The following CYLD variants were observed in gnomAD, a reference collection of about 807,000 sequenced individuals.
CYLD encodes the protein ubiquitin carboxyl-terminal hydrolase CYLD.
Under a neutral mutation model 104.5 loss-of-function variants are expected in CYLD, and 26 were observed. The observed-to-expected ratio is 0.25, with a 90% CI of 0.18 to 0.35. The LOEUF (loss-of-function observed/expected upper bound fraction) is 0.35, where lower values mean the gene tolerates loss of function less well. Among genes scored for constraint, CYLD ranks in the 10% least tolerant of loss-of-function variants. The pLI is 1.00. For missense variants in CYLD, 703 were observed against 1,136.1 expected (o/e 0.62, Z 5.48); for synonymous variants, 385 against 399.9 (o/e 0.96, Z 0.45).
In CYLD at chr16:50,749,582, C is replaced by T. The variant is rs1966457263; in HGVS notation, c.-117C>T. On this transcript the variant is annotated 5_prime_UTR_variant, in exon 3 of 19. Coordinates refer to ENST00000427738, the MANE Select transcript of CYLD (RefSeq NM_001378743.1). ...ATTTCCTTTCTTTTTACAGCATGGA[C>T]ACCACGTTGCTGAAAACATGCTTTG... 3.0e-6 allele frequency: 3 copies of T among 1,011,366 alleles called. No homozygotes were observed. The highest frequency in any genetic ancestry group is 1.5e-6 in the Non-Finnish European group (1 of 679,254). 62.6% of individuals were successfully genotyped at this position (1,011,366 alleles called of 1,614,324 possible). A position where few individuals can be genotyped will look rare whatever the true frequency, so the allele number is the denominator to read the frequency against.
intron 5 of CYLD, among the ~76,000 whole-genome samples, chr16:50,770,955 A>C (rs1969081144): frequency 6.6e-6 from 1 of 152,262 alleles, no homozygotes; most frequent in Non-Finnish European, 1.5e-5. Flanking sequence ...ACAGAGTACA[A>C]GATTTTTATT....
In CYLD at chr16:50,794,566, A is replaced by G. The variant is rs957173183; in HGVS notation, c.2686+138A>G. On this transcript the variant is annotated intron_variant, in intron 18 of 18. Coordinates refer to ENST00000427738, the MANE Select transcript of CYLD (RefSeq NM_001378743.1). This position sits in a 1 kb window ranked among gnomAD's most constrained non-coding sequence, Gnocchi z 4.1. ...ATTATTCTGGTGACAACAGTCTTAT[A>G]TCTTGGATTGCATTAACAACCTTGC... 5 of 841,356 alleles carry G rather than the reference A, an allele frequency of 5.9e-6. No homozygotes were observed. Among genetic ancestry groups the G allele is most frequent in the African/African-American group, 5.0e-5 (3 of 60,050 alleles). 52.1% of individuals were successfully genotyped at this position (841,356 alleles called of 1,614,324 possible). A position where few individuals can be genotyped will look rare whatever the true frequency, so the allele number is the denominator to read the frequency against.
chr16:50,783,096 C>CT (rs1236940297), intron 11 of CYLD, among the ~76,000 whole-genome samples: 1 of 151,678 alleles, frequency 6.6e-6, no homozygotes, highest in African/African-American at 2.4e-5. Context: ...GGCTAACTTT[C>CT]TTTTTTGTAT....
intron 5 of CYLD, among the ~76,000 whole-genome samples, chr16:50,763,232 C>T (rs1213011198): frequency 2.0e-5 from 3 of 152,138 alleles, no homozygotes; most frequent in Non-Finnish European, 4.4e-5. Flanking sequence ...AATAATATTC[C>T]ATTGTATGGA....
chr16:50,775,813 G>T (rs897649387), intron 6 of CYLD, among the ~76,000 whole-genome samples: 5 of 152,138 alleles, frequency 3.3e-5, no homozygotes, highest in Non-Finnish European at 5.9e-5. Flanking sequence ...ATACACAGGG[G>T]TGTTCTAAGC....
intron 7 of CYLD, 68 bp downstream of exon 7, chr16:50,776,345 G>T: frequency 9.0e-7 from 1 of 1,114,156 alleles, no homozygotes; most frequent in East Asian, 2.3e-5. Flanking sequence ...CATTAAAAAA[G>T]ATTATAAGCT....
chr16:50,795,559 G>C (rs1971947064), intron 18 of CYLD: 3 of 702,922 alleles, frequency 4.3e-6, no homozygotes, highest in Non-Finnish European at 7.8e-6. Context: ...TGCTCTCTCA[G>C]ATCCAGCCCC....
intron 2 of CYLD, 71 bp downstream of exon 2, chr16:50,742,912 C>A: frequency 2.5e-6 from 1 of 395,498 alleles, no homozygotes; most frequent in Non-Finnish European, 4.4e-6. Flanking sequence ...GGGGCGGGGG[C>A]GAAGTCATGA....
In CYLD at chr16:50,798,101, A is replaced by G. The variant is rs557383849; in HGVS notation, c.*1593A>G. On this transcript the variant is annotated 3_prime_UTR_variant, in exon 19 of 19. Coordinates refer to ENST00000427738, the MANE Select transcript of CYLD (RefSeq NM_001378743.1). The stretch of plus-strand genomic sequence containing the variant: ...ATGAAGGGTGTGGGGTAAAAGATGC[A>G]TAAGGCCTTTTCTAGCTCTGACAGC... 1.3e-5 allele frequency: 3 copies of G among 232,048 alleles called. No homozygotes were observed. The East Asian group carries it at 1.8e-4, about 14-fold the overall frequency. The allele number at this position is 232,048 out of a possible 1,614,324, so 14.4% of individuals were successfully genotyped here. A position where few individuals can be genotyped will look rare whatever the true frequency, so the allele number is the denominator to read the frequency against.
At chr16:50,771,319 C>T (rs532768170) in intron 5 of CYLD, among the ~76,000 whole-genome samples, 5 of 148,374 alleles carry the variant, frequency 3.4e-5, no homozygotes, top group Non-Finnish European at 7.6e-5. Context: ...AAGGTTCATC[C>T]GTATGATAGC....
In CYLD at chr16:50,749,676, A is replaced by C. The variant is rs771486432; in HGVS notation, c.-23A>C. The C allele has an allele frequency of 6.8e-6, 11 of 1,610,648 alleles. No individual in the cohort carries two copies. In the East Asian group the frequency reaches 1.6e-4, roughly 23 times the overall value. On this transcript the variant is annotated 5_prime_UTR_variant, in exon 3 of 19. Coordinates refer to ENST00000427738, the MANE Select transcript of CYLD (RefSeq NM_001378743.1). ...ATTAGTAGTTTCCCTTTTTTGAATTAGTATTTTGAAGTTAATATCACAATG... is the reference window on the plus strand; with the variant it reads ...ATTAGTAGTTTCCCTTTTTTGAATTCGTATTTTGAAGTTAATATCACAATG...
Position 50,794,113 on chromosome 16 carries a change from A to G in CYLD, c.2470-99A>G, listed in dbSNP as rs1033215252. 8.8e-7 allele frequency: 1 copy of G among 1,131,274 alleles called. No homozygotes were observed. Among genetic ancestry groups the G allele is most frequent in the African/African-American group, 1.5e-5 (1 of 65,372 alleles). The allele number at this position is 1,131,274 out of a possible 1,614,324, so 70.1% of individuals were successfully genotyped here. A position where few individuals can be genotyped will look rare whatever the true frequency, so the allele number is the denominator to read the frequency against. On this transcript the variant is annotated intron_variant, in intron 17 of 18. Coordinates refer to ENST00000427738, the MANE Select transcript of CYLD (RefSeq NM_001378743.1). The surrounding 1 kb of genome is among the most constrained non-coding windows in gnomAD (Gnocchi z 4.1). Reference sequence around the variant, plus strand: ...CAGCTAATTTTTGTATTTTTAACAGAGACAGGGTTTCACCATCTTGATCAG... The same window carrying G: ...CAGCTAATTTTTGTATTTTTAACAGGGACAGGGTTTCACCATCTTGATCAG...
At chr16:50,745,362 GT>G (rs535675323) in intron 2 of CYLD, among the ~76,000 whole-genome samples, 109 of 78,748 alleles carry the variant, frequency 1.4e-3, no homozygotes, top group African/African-American at 2.4e-3. Context: ...TTTCCTCTTT[GT>G]TTTTTTTTTT....
intron 4 of CYLD, among the ~76,000 whole-genome samples, chr16:50,753,188 A>T (rs1008296831): frequency 2.6e-5 from 4 of 152,366 alleles, no homozygotes; most frequent in African/African-American, 9.6e-5. Flanking sequence ...TAACATGTGA[A>T]AAGTTAGAAC....
chr16:50,787,462 A>G (rs1253205593), intron 13 of CYLD: 6 of 309,432 alleles, frequency 1.9e-5, no homozygotes, highest in Non-Finnish European at 3.6e-5. Flanking sequence ...CTTGCAGGAA[A>G]AAACAGAGCA....
chr16:50,789,645 T>C (rs1163772598), intron 14 of CYLD, among the ~76,000 whole-genome samples: 1 of 152,172 alleles, frequency 6.6e-6, no homozygotes, highest in Non-Finnish European at 1.5e-5. Flanking sequence ...AAGTTGGCTC[T>C]TTTTCAAGAG....
intron 5 of CYLD, among the ~76,000 whole-genome samples, chr16:50,765,311 A>C (rs1313910362): frequency 2.6e-5 from 4 of 152,142 alleles, no homozygotes; most frequent in African/African-American, 9.7e-5. Context: ...ATCTGTAATC[A>C]ATGATCTTTG....
intron 13 of CYLD, 102 bp from the exon 14 acceptor site, chr16:50,787,684 A>G (rs1014430511): frequency 4.6e-6 from 3 of 651,854 alleles, no homozygotes; most frequent in Non-Finnish European, 8.2e-6. Flanking sequence ...TATTGGATGA[A>G]TGAAACTGAA....
chr16:50,787,588 A>G (rs548885281), intron 13 of CYLD, 198 bp from the exon 14 acceptor site: 2 of 508,524 alleles, frequency 3.9e-6, no homozygotes, highest in Non-Finnish European at 3.5e-6. Flanking sequence ...AAATTGAAAC[A>G]TAATACTTGA....
Sources: allele counts gnomAD v4.1 joint callset (sites outside exome capture counted in the v4.1 genomes callset), GRCh38; gene constraint gnomAD v4.1.1; non-coding constraint Gnocchi (gnomAD v3.1); transcripts MANE v1.5; gene names NCBI Gene and HGNC (gene_info 2026-07-23, HGNC 2026-07-21).